Variants in DNAJC3 observed in about 807,000 individuals in gnomAD.
DNAJC3 encodes the protein dnaJ homolog subfamily C member 3.
Under a neutral mutation model 68.6 loss-of-function variants are expected in DNAJC3, and 38 were observed. The ratio of observed to expected loss-of-function variants is 0.55; its 90% CI spans 0.43 to 0.73. The LOEUF is 0.73. DNAJC3 is among the 30% of genes least tolerant of loss of function. The probability of loss-of-function intolerance (pLI) is 0.00; values close to 1 mark genes in which losing one functional copy is unlikely to be tolerated. For missense variants in DNAJC3, 526 were observed against 591.9 expected (o/e 0.89, Z 1.16); for synonymous variants, 203 against 204.0 (o/e 1.00, Z 0.04).
intron 9 of DNAJC3, among the ~76,000 whole-genome samples, chr13:95,764,645 C>CATATATAT (rs755441205): frequency 2.4e-3 from 133 of 56,488 alleles, no homozygotes; most frequent in Non-Finnish European, 3.0e-3. Context: ...AAATAGAATC[C>CATATATAT]ATATATATAT....
At chr13:95,711,470 C>T (rs1880962788) in intron 2 of DNAJC3, among the ~76,000 whole-genome samples, 1 of 151,840 alleles carries the variant, frequency 6.6e-6, no homozygotes, top group Non-Finnish European at 1.5e-5. Flanking sequence ...TGCACTCTAG[C>T]CTGGGTGGCA....
chr13:95,712,731 A>G (rs1881011962), intron 2 of DNAJC3, among the ~76,000 whole-genome samples: 1 of 152,136 alleles, frequency 6.6e-6, no homozygotes, highest in Non-Finnish European at 1.5e-5. Context: ...CGTGTTCATT[A>G]GCTCTAATAA....
chr13:95,764,673 T>TACACACACACACACACACAC (rs1882928000), intron 9 of DNAJC3, among the ~76,000 whole-genome samples: 4 of 122,778 alleles, frequency 3.3e-5, no homozygotes, highest in African/African-American at 1.4e-4. Flanking sequence ...TATATATATA[T>TACACACACACACACACACAC]ATATATATAT....
At chr13:95,731,372 G>C (rs1453163351) in intron 4 of DNAJC3, among the ~76,000 whole-genome samples, 1 of 152,122 alleles carries the variant, frequency 6.6e-6, no homozygotes, top group Non-Finnish European at 1.5e-5. Flanking sequence ...TCTTTGTCTT[G>C]TTTCAGTTCT....
chr13:95,710,175 T>A (rs984936515), intron 2 of DNAJC3, among the ~76,000 whole-genome samples: 1 of 152,104 alleles, frequency 6.6e-6, no homozygotes, highest in Non-Finnish European at 1.5e-5. Context: ...AGAAGTGAGA[T>A]GACCAGAATA....
At chr13:95,781,130 A>G (rs989108924) in intron 9 of DNAJC3, among the ~76,000 whole-genome samples, 2 of 152,014 alleles carry the variant, frequency 1.3e-5, no homozygotes, top group African/African-American at 2.4e-5. Flanking sequence ...AAAATGATCT[A>G]TTTAACTTTG....
intron 1 of DNAJC3, among the ~76,000 whole-genome samples, chr13:95,688,247 C>G (rs1040754886): frequency 1.3e-5 from 2 of 152,102 alleles, no homozygotes; most frequent in African/African-American, 4.8e-5. Flanking sequence ...ACTTCTTTTC[C>G]TATTTGGATG....
intron 2 of DNAJC3, among the ~76,000 whole-genome samples, chr13:95,713,618 A>T (rs781384968): frequency 6.6e-6 from 1 of 152,234 alleles, no homozygotes; most frequent in Non-Finnish European, 1.5e-5. Context: ...ATTTCATTGA[A>T]ATTGACTCGC....
chr13:95,739,891 C>G (rs1050018406), intron 4 of DNAJC3, among the ~76,000 whole-genome samples: 2 of 152,188 alleles, frequency 1.3e-5, no homozygotes, highest in African/African-American at 4.8e-5. Flanking sequence ...ATGCGCTCTG[C>G]TTTTTAGAGT....
intron 5 of DNAJC3, among the ~76,000 whole-genome samples, chr13:95,758,393 T>G (rs1882727522): frequency 6.6e-6 from 1 of 151,442 alleles, no homozygotes; most frequent in African/African-American, 2.4e-5. Context: ...CCCAGCACTT[T>G]GGGAGGTCGA....
intron 10 of DNAJC3, 71 bp from the exon 11 acceptor site, chr13:95,786,936 G>A (rs1883618922): frequency 6.5e-7 from 1 of 1,536,688 alleles, no homozygotes; most frequent in Non-Finnish European, 8.7e-7. Context: ...ATCTTAATCA[G>A]CTCTTCTGAT....
In DNAJC3 at chr13:95,792,647, T is replaced by C. The variant is rs1345273523; in HGVS notation, c.*1617T>C. The C allele has an allele frequency of 6.6e-6, 1 of 152,196 alleles. No individual in the cohort carries two copies. Among genetic ancestry groups the C allele is most frequent in the Non-Finnish European group, 1.5e-5 (1 of 68,030 alleles). The allele number at this position is 152,196 out of a possible 1,614,324, so 9.4% of individuals were successfully genotyped here. On this transcript the variant is annotated 3_prime_UTR_variant, in exon 12 of 12. Coordinates refer to ENST00000602402, the MANE Select transcript of DNAJC3 (RefSeq NM_006260.5). Reference sequence around the variant, plus strand: ...AACACTTAAGTGCTTTCTGCATCTATTTAGGAGTCTATTTCTTACCAATAA... The same window carrying C: ...AACACTTAAGTGCTTTCTGCATCTACTTAGGAGTCTATTTCTTACCAATAA...
intron 2 of DNAJC3, 60 bp from the exon 3 acceptor site, chr13:95,723,182 T>A: frequency 6.7e-7 from 1 of 1,492,950 alleles, no homozygotes; most frequent in South Asian, 1.3e-5. Flanking sequence ...GTGATTTGTT[T>A]TTTTTTAAAT....
At chr13:95,689,899 T>G (rs951823549) in intron 1 of DNAJC3, among the ~76,000 whole-genome samples, 5 of 152,216 alleles carry the variant, frequency 3.3e-5, no homozygotes, top group Non-Finnish European at 7.3e-5. Context: ...CTTGTGTTGT[T>G]TTCAGAGTTC....
intron 9 of DNAJC3, among the ~76,000 whole-genome samples, chr13:95,780,185 A>G (rs1186082309): frequency 6.6e-6 from 1 of 152,146 alleles, no homozygotes; most frequent in Non-Finnish European, 1.5e-5. Flanking sequence ...CCAGGAGGTC[A>G]TCTGCCACCA....
intron 1 of DNAJC3, among the ~76,000 whole-genome samples, chr13:95,687,005 A>G (rs1445912683): frequency 6.6e-6 from 1 of 152,178 alleles, no homozygotes; most frequent in Non-Finnish European, 1.5e-5. Flanking sequence ...CAAATCCATG[A>G]GCCTGGGATG....
At chr13:95,715,637 G>A (rs1459389764) in intron 2 of DNAJC3, among the ~76,000 whole-genome samples, 2 of 151,606 alleles carry the variant, frequency 1.3e-5, no homozygotes, top group South Asian at 2.1e-4. Context: ...ATAGGCATGC[G>A]CCACCATGCC....
intron 4 of DNAJC3, among the ~76,000 whole-genome samples, chr13:95,752,609 G>A (rs1882515073): frequency 6.6e-6 from 1 of 152,110 alleles, no homozygotes. Context: ...CGATTATATA[G>A]GTTAGTTACA....
intron 9 of DNAJC3, among the ~76,000 whole-genome samples, chr13:95,783,687 G>T (rs1025231744): frequency 1.3e-5 from 2 of 152,308 alleles, no homozygotes; most frequent in East Asian, 1.9e-4. Context: ...GCCAAAGGTG[G>T]TGGTGGTTCG....
Sources: gnomAD v4.1 joint callset for allele counts (sites outside exome capture counted in the v4.1 genomes callset) on GRCh38, gnomAD v4.1.1 for gene constraint, MANE v1.5 for transcripts, NCBI Gene and HGNC (gene_info 2026-07-23, HGNC 2026-07-21) for gene names.